Variants in ATP8A2 observed in about 807,000 individuals in gnomAD.
The protein encoded by ATP8A2 is ATPase phospholipid transporting 8A2.
In ATP8A2, 100 loss-of-function variants were observed where a neutral mutation model predicts 165.6. The ratio of observed to expected loss-of-function variants is 0.60; its 90% CI spans 0.51 to 0.71. ATP8A2 has a LOEUF of 0.71. ATP8A2 is among the 30% of genes least tolerant of loss of function. The probability of loss-of-function intolerance (pLI) is 0.00; values close to 1 mark genes in which losing one functional copy is unlikely to be tolerated. For synonymous variants in ATP8A2, 543 were observed against 548.8 expected, an observed-to-expected ratio of 0.99 and a Z score of 0.15; for missense variants, 1,227 against 1,479.5, an observed-to-expected ratio of 0.83 and a Z score of 2.80.
At chr13:25,715,684 C>T (rs1431473251) in intron 25 of ATP8A2, among the ~76,000 whole-genome samples, 1 of 152,198 alleles carries the variant, frequency 6.6e-6, no homozygotes, top group East Asian at 1.9e-4. Flanking sequence ...AGATATATCA[C>T]ATGTAGTTTA....
intron 36 of ATP8A2, among the ~76,000 whole-genome samples, chr13:26,015,172 G>C (rs1024176805): frequency 1.3e-5 from 2 of 152,106 alleles, no homozygotes; most frequent in African/African-American, 2.4e-5. Context: ...AAATAAGAAG[G>C]CTTCTGAAAT....
Position 25,403,702 on chromosome 13 carries a change from T to C in ATP8A2, c.76+31414T>C, listed in dbSNP as rs116998971. ...AATAGGAACATATGGTCTTGAAATATTTTTTCTAACATATATTTATTTTGA... is the reference window on the plus strand; with the variant it reads ...AATAGGAACATATGGTCTTGAAATACTTTTTCTAACATATATTTATTTTGA... On this transcript the variant is annotated intron_variant, in intron 1 of 36. Transcript: ENST00000381655. Among the ~76,000 whole-genome samples the C allele has an allele frequency of 3.1e-3, 466 of 152,324 alleles. 1 individual carries two copies. Among genetic ancestry groups the C allele is most frequent in the Middle Eastern group, 0.01 (3 of 294 alleles).
intron 25 of ATP8A2, among the ~76,000 whole-genome samples, chr13:25,758,578 C>T (rs1281590102): frequency 1.3e-5 from 2 of 152,196 alleles, no homozygotes; most frequent in Non-Finnish European, 2.9e-5. Context: ...TGTGTTTCTT[C>T]TATGGATACA....
chr13:25,762,169 T>C (rs2044392522), intron 25 of ATP8A2, among the ~76,000 whole-genome samples: 1 of 143,998 alleles, frequency 6.9e-6, no homozygotes, highest in South Asian at 2.2e-4. Flanking sequence ...CTTGGGAGGC[T>C]GAGGCAAGAG....
At chr13:25,736,526 T>C (rs2043772891) in intron 25 of ATP8A2, among the ~76,000 whole-genome samples, 1 of 152,200 alleles carries the variant, frequency 6.6e-6, no homozygotes, top group South Asian at 2.1e-4. Flanking sequence ...GAGACATAAA[T>C]ACAAGTGTGA....
At chr13:25,910,427 AG>A (rs1954068638) in intron 33 of ATP8A2, among the ~76,000 whole-genome samples, 1 of 152,206 alleles carries the variant, frequency 6.6e-6, no homozygotes, top group South Asian at 2.1e-4. Flanking sequence ...ATCCCTCTTT[AG>A]ATAAGGCCAG....
chr13:25,908,500 C>A (rs1954012742), intron 33 of ATP8A2, among the ~76,000 whole-genome samples: 1 of 152,236 alleles, frequency 6.6e-6, no homozygotes, highest in South Asian at 2.1e-4. Flanking sequence ...AGGGTGTCCA[C>A]AAGGCCTCAG....
intron 33 of ATP8A2, among the ~76,000 whole-genome samples, chr13:25,900,640 T>C (rs1221740081): frequency 2.0e-5 from 3 of 152,202 alleles, no homozygotes; most frequent in Non-Finnish European, 4.4e-5. Flanking sequence ...ACCTTATGTC[T>C]GATGTGGTCA....
At chr13:25,884,855 G>C (rs1029921305) in intron 33 of ATP8A2, among the ~76,000 whole-genome samples, 1 of 152,130 alleles carries the variant, frequency 6.6e-6, no homozygotes, top group Non-Finnish European at 1.5e-5. Flanking sequence ...CAGATCCCTG[G>C]GGCCCTTCTG....
At chr13:25,776,142 C>G (rs978255956) in intron 27 of ATP8A2, among the ~76,000 whole-genome samples, 1 of 152,348 alleles carries the variant, frequency 6.6e-6, no homozygotes, top group Non-Finnish European at 1.5e-5. Context: ...CAACTGGAAA[C>G]AGCAATGCAT....
chr13:25,534,702 T>A (rs149725399), intron 6 of ATP8A2, among the ~76,000 whole-genome samples: 1 of 152,344 alleles, frequency 6.6e-6, no homozygotes, highest in African/African-American at 2.4e-5. Flanking sequence ...TTTACTTGGT[T>A]TATTTCAGTG....
intron 25 of ATP8A2, among the ~76,000 whole-genome samples, chr13:25,717,432 A>AAAAAAAC (rs1555254279): frequency 4.4e-4 from 67 of 151,636 alleles, no homozygotes; most frequent in Middle Eastern, 3.4e-3. Context: ...AAAAAAAAAA[A>AAAAAAAC]AAAACACCAA....
At chr13:25,738,349 C>CCG (rs1566092299) in intron 25 of ATP8A2, among the ~76,000 whole-genome samples, 1 of 101,734 alleles carries the variant, frequency 9.8e-6, no homozygotes, top group East Asian at 2.3e-4. Flanking sequence ...CTCCCCCCCC[C>CCG]CCACACACAC....
chr13:25,504,378 G>T (rs1006042912), intron 2 of ATP8A2, among the ~76,000 whole-genome samples: 4 of 147,362 alleles, frequency 2.7e-5, no homozygotes, highest in African/African-American at 9.9e-5. Flanking sequence ...GTTGTGGTTA[G>T]AAGATTATTT....
At chr13:25,945,014 G>A (rs1955173732) in intron 33 of ATP8A2, among the ~76,000 whole-genome samples, 1 of 152,198 alleles carries the variant, frequency 6.6e-6, no homozygotes, top group South Asian at 2.1e-4. Flanking sequence ...TGATAGAAGA[G>A]AGGGGAGCCT....
rs151226720 is a variant in ATP8A2 at position 25,530,276 on chromosome 13, G to A, written c.321+178G>A. Among the ~76,000 whole-genome samples the A allele has an allele frequency of 1.7e-4, 26 of 152,280 alleles. No homozygotes were observed. The East Asian group carries it at 3.3e-3, about 19-fold the overall frequency. ...TTTGTATACAGGGAGATTTCTTTTG[G>A]TATGGCCTTGAGGATGATTGCAGTG... On this transcript the variant is annotated intron_variant, in intron 3 of 36. Coordinates refer to ENST00000381655, the MANE Select transcript of ATP8A2 (RefSeq NM_016529.6).
intron 23 of ATP8A2, among the ~76,000 whole-genome samples, chr13:25,583,665 A>T (rs2039838960): frequency 6.6e-6 from 1 of 152,214 alleles, no homozygotes. Flanking sequence ...TGGGATAAAC[A>T]CAAGAGAAAG....
chr13:25,663,203 A>T (rs182802738), intron 24 of ATP8A2, among the ~76,000 whole-genome samples: 1 of 152,248 alleles, frequency 6.6e-6, no homozygotes, highest in Non-Finnish European at 1.5e-5. Context: ...TCCAAAGCCA[A>T]TGCAGCACCT....
At chr13:25,396,741 C>A (rs2033438941) in intron 1 of ATP8A2, among the ~76,000 whole-genome samples, 1 of 152,186 alleles carries the variant, frequency 6.6e-6, no homozygotes, top group South Asian at 2.1e-4. Flanking sequence ...CGAGCGCCTG[C>A]CACTAGCAAG....
Sources: gnomAD v4.1 joint callset for allele counts (sites outside exome capture counted in the v4.1 genomes callset) on GRCh38, gnomAD v4.1.1 for gene constraint, MANE v1.5 for transcripts, NCBI Gene and HGNC (gene_info 2026-07-23, HGNC 2026-07-21) for gene names.